XRCC4: variants seen among roughly 807,000 people sequenced by gnomAD.
The protein encoded by XRCC4 is X-ray repair cross complementing 4, also known as DNA repair protein XRCC4.
A neutral mutation model predicts 39.1 loss-of-function variants in XRCC4; 28 were observed. That is an observed-to-expected ratio of 0.72 (90% CI 0.53 to 0.98). The LOEUF is 0.98. Among genes scored for constraint, XRCC4 ranks in the 50% least tolerant of loss-of-function variants. The pLI is 0.00. For synonymous variants in XRCC4, 123 were observed against 126.4 expected (o/e 0.97, Z 0.18); for missense variants, 350 against 376.4 (o/e 0.93, Z 0.58).
chr5:83,116,304 A>G (rs1272657958), intron 3 of XRCC4, among the ~76,000 whole-genome samples: 2 of 152,138 alleles, frequency 1.3e-5, no homozygotes, highest in Non-Finnish European at 2.9e-5. Context: ...TTGTTTCTTA[A>G]TGTAAGGTTG....
intron 2 of XRCC4, among the ~76,000 whole-genome samples, chr5:83,107,335 T>G (rs927979191): frequency 6.6e-6 from 1 of 152,018 alleles, no homozygotes; most frequent in African/African-American, 2.4e-5. Flanking sequence ...TTGAAACAAT[T>G]AAATAATTGA....
At chr5:83,209,821 C>A (rs1227361198) in intron 6 of XRCC4, among the ~76,000 whole-genome samples, 1 of 152,082 alleles carries the variant, frequency 6.6e-6, no homozygotes, top group Non-Finnish European at 1.5e-5. Flanking sequence ...ATGTTTCACT[C>A]TTTTTAGCTG....
intron 7 of XRCC4, among the ~76,000 whole-genome samples, chr5:83,300,640 G>A (rs1044148163): frequency 8.1e-6 from 1 of 124,156 alleles, no homozygotes; most frequent in African/African-American, 3.0e-5. Flanking sequence ...ATGCATGTTT[G>A]TTACATAGTA....
intron 7 of XRCC4, among the ~76,000 whole-genome samples, chr5:83,313,290 A>G (rs1434986537): frequency 6.6e-6 from 1 of 152,102 alleles, no homozygotes; most frequent in Non-Finnish European, 1.5e-5. Context: ...ATTAATGTAC[A>G]CAGAAGGGAT....
chr5:83,226,630 G>C (rs1277119073), intron 6 of XRCC4, among the ~76,000 whole-genome samples: 2 of 152,120 alleles, frequency 1.3e-5, no homozygotes, highest in African/African-American at 4.8e-5. Context: ...GGAGAAGCTG[G>C]ATGTTGGGGA....
intron 4 of XRCC4, among the ~76,000 whole-genome samples, chr5:83,200,364 C>A (rs1015903537): frequency 1.3e-5 from 2 of 152,142 alleles, no homozygotes; most frequent in South Asian, 4.1e-4. Context: ...GCAAAAAAAT[C>A]CTAAAGCTTT....
chr5:83,355,171 T>C (rs1310138696), downstream of XRCC4, among the ~76,000 whole-genome samples: 2 of 152,168 alleles, frequency 1.3e-5, no homozygotes, highest in Non-Finnish European at 2.9e-5. Context: ...CAGCTTCACA[T>C]GGTTGGTTTC....
chr5:83,212,585 C>T (rs1444150007), intron 6 of XRCC4, among the ~76,000 whole-genome samples: 1 of 151,866 alleles, frequency 6.6e-6, no homozygotes, highest in Non-Finnish European at 1.5e-5. Context: ...TTTATGAAAA[C>T]CATTAGTCTA....
intron 3 of XRCC4, among the ~76,000 whole-genome samples, chr5:83,134,112 C>T (rs192674027): frequency 6.6e-6 from 1 of 152,142 alleles, no homozygotes; most frequent in Non-Finnish European, 1.5e-5. Context: ...GTTCCCTATT[C>T]GTGGAATCAT....
At chr5:83,268,786 A>G (rs1047367885) in intron 7 of XRCC4, among the ~76,000 whole-genome samples, 2 of 152,180 alleles carry the variant, frequency 1.3e-5, no homozygotes, top group African/African-American at 2.4e-5. Flanking sequence ...TATTTGCCCT[A>G]GGACCATGAT....
the XRCC4 span, among the ~76,000 whole-genome samples, chr5:83,361,740 G>C: frequency 6.6e-6 from 1 of 151,508 alleles, no homozygotes; most frequent in Non-Finnish European, 1.5e-5. Flanking sequence ...TCCTGCCTCA[G>C]CCACCCTAGT....
At chr5:83,123,285 A>G (rs1283295071) in intron 3 of XRCC4, among the ~76,000 whole-genome samples, 1 of 152,110 alleles carries the variant, frequency 6.6e-6, no homozygotes, top group African/African-American at 2.4e-5. Flanking sequence ...TCACTATGAA[A>G]TGACCCTCTA....
intron 1 of XRCC4, among the ~76,000 whole-genome samples, chr5:83,090,841 A>G (rs1745394152): frequency 6.6e-6 from 1 of 152,220 alleles, no homozygotes; most frequent in African/African-American, 2.4e-5. Flanking sequence ...CATATTTCTT[A>G]TAATATCACA....
At chr5:83,261,841 A>G (rs1394157670) in intron 7 of XRCC4, among the ~76,000 whole-genome samples, 1 of 152,096 alleles carries the variant, frequency 6.6e-6, no homozygotes, top group Non-Finnish European at 1.5e-5. Flanking sequence ...TCATGAAGCA[A>G]TTAAAAATAT....
rs1232477004 is a variant in XRCC4 at position 83,134,791 on chromosome 5, ACT to A, written c.315+23590_315+23591del. Among the ~76,000 whole-genome samples the A allele has an allele frequency of 3.3e-5, 5 of 152,138 alleles. No individual in the cohort carries two copies. In the East Asian group the frequency reaches 9.7e-4, roughly 29 times the overall value. ...TCGCTCTGCCTTTATGAGCTGTAACACTCACTGCGAAGTTCTGCAGCTTCACT... is the reference window on the plus strand; with the variant it reads ...TCGCTCTGCCTTTATGAGCTGTAACACACTGCGAAGTTCTGCAGCTTCACT... On this transcript the variant is annotated intron_variant, in intron 3 of 7. Coordinates refer to ENST00000396027, the MANE Select transcript of XRCC4 (RefSeq NM_003401.5).
At chr5:83,308,233 A>G (rs1413522176) in intron 7 of XRCC4, among the ~76,000 whole-genome samples, 1 of 152,226 alleles carries the variant, frequency 6.6e-6, no homozygotes, top group Non-Finnish European at 1.5e-5. Context: ...TTGTGTAGTC[A>G]TATTACTAAG....
chr5:83,264,857 T>C (rs996991208), intron 7 of XRCC4, among the ~76,000 whole-genome samples: 1 of 152,150 alleles, frequency 6.6e-6, no homozygotes, highest in South Asian at 2.1e-4. Flanking sequence ...ATAGAGAGAG[T>C]TATACATGGA....
intron 1 of XRCC4, among the ~76,000 whole-genome samples, chr5:83,093,014 G>GACACACACACACAC (rs34020910): frequency 1.3e-5 from 2 of 149,322 alleles, no homozygotes; most frequent in African/African-American, 4.9e-5. Context: ...TAAATGAATG[G>GACACACACACACAC]ACACACACAC....
chr5:83,124,094 A>G (rs1008444005), intron 3 of XRCC4, among the ~76,000 whole-genome samples: 1 of 152,140 alleles, frequency 6.6e-6, no homozygotes, highest in Non-Finnish European at 1.5e-5. Context: ...TACAGACTGT[A>G]CACAGATTTT....
Sources: gnomAD v4.1 joint callset for allele counts (sites outside exome capture counted in the v4.1 genomes callset) on GRCh38, gnomAD v4.1.1 for gene constraint, MANE v1.5 for transcripts, NCBI Gene and HGNC (gene_info 2026-07-23, HGNC 2026-07-21) for gene names.